The following ARRDC4 variants were observed in gnomAD, a reference collection of about 807,000 sequenced individuals.
ARRDC4 encodes arrestin domain containing 4.
In ARRDC4, 40 loss-of-function variants were observed where a neutral mutation model predicts 44.6. The observed-to-expected ratio is 0.90, with a 90% CI of 0.70 to 1.17. The LOEUF (loss-of-function observed/expected upper bound fraction) is 1.17, where lower values mean the gene tolerates loss of function less well. Ranked by LOEUF, ARRDC4 falls within the 50% of genes most tolerant of loss-of-function variation. The probability of loss-of-function intolerance (pLI) is 0.00; values close to 1 mark genes in which losing one functional copy is unlikely to be tolerated. For synonymous variants in ARRDC4, 211 were observed against 221.2 expected (o/e 0.95, Z 0.41); for missense variants, 550 against 559.1 (o/e 0.98, Z 0.16).
Position 97,969,914 on chromosome 15 carries a change from T to C in ARRDC4, c.914T>C (p.Leu305Ser), listed in dbSNP as rs1899480247. Residue 305 changes from leucine to serine, a missense_variant, in exon 6 of 8, where the codon TTG (leucine) becomes TCG (serine). Physicochemically the swap from Leu to Ser is moderately radical, Grantham distance 145. Transcript: ENST00000268042. Reference protein sequence around the residue: ...VYIHIPGAKKLMLELPLVIGT... With the variant: ...VYIHIPGAKKSMLELPLVIGT... ...ATTCACATTCCTGGTGCTAAAAAATTGATGCTCGAACTGCCATTAGTGATC... is the reference window on the plus strand; with the variant it reads ...ATTCACATTCCTGGTGCTAAAAAATCGATGCTCGAACTGCCATTAGTGATC... 1 of 1,608,256 alleles carries C rather than the reference T, an allele frequency of 6.2e-7. No individual in the cohort carries two copies. Among genetic ancestry groups the C allele is most frequent in the Non-Finnish European group, 8.5e-7 (1 of 1,176,518 alleles).
chr15:97,960,715 G>A lies in ARRDC4; in HGVS notation c.-147G>A. On this transcript the variant is annotated 5_prime_UTR_variant, in exon 1 of 8. Transcript: ENST00000268042. ...GGTTTGTTAAAGCGACAGGCCTCTC[G>A]GCGAGCCGGTGCCCCATCGGGTACC... The A allele has an allele frequency of 3.0e-6, 2 of 661,758 alleles. No homozygotes were observed. The highest frequency in any genetic ancestry group is 3.6e-5 in the East Asian group (1 of 28,124). 41.0% of individuals were successfully genotyped at this position (661,758 alleles called of 1,614,324 possible). A position where few individuals can be genotyped will look rare whatever the true frequency, so the allele number is the denominator to read the frequency against.
intron 1 of ARRDC4, 71 bp downstream of exon 1, chr15:97,961,239 A>G (rs1899311460): frequency 7.7e-7 from 1 of 1,293,170 alleles, no homozygotes. Context: ...GAGGCCGCGC[A>G]CCCTCGGGAT....
intron 5 of ARRDC4, 137 bp from the exon 6 acceptor site, chr15:97,969,746 T>C (rs1371017356): frequency 1.4e-5 from 11 of 770,812 alleles, no homozygotes; most frequent in South Asian, 4.1e-5. Flanking sequence ...ATCAAGACAA[T>C]TGAGAATTGT....
rs1899482561 is a variant in ARRDC4, at chr15:97,970,000, A to G, written c.1000A>G (p.Met334Val). Reference sequence around the variant, plus strand: ...CTCCAGCATTGCCAGCCAGTTCAGTATGGATATGAGCTGGTTGACACTGAC... The same window carrying G: ...CTCCAGCATTGCCAGCCAGTTCAGTGTGGATATGAGCTGGTTGACACTGAC... ...RNSSIASQFS[M>V]DMSWLTLTLP... The change falls in exon 6 of 8, where the codon ATG (methionine) becomes GTG (valine). Residue 334 changes from methionine (M) to valine (V), a missense_variant. Transcript: ENST00000268042. The G allele has an allele frequency of 1.2e-6, 2 of 1,613,350 alleles. No individual in the cohort carries two copies. The highest frequency in any genetic ancestry group is 1.7e-6 in the Non-Finnish European group (2 of 1,179,556).
Position 97,970,855 on chromosome 15 carries a change from A to T in ARRDC4, c.1200+112A>T. The T allele has an allele frequency of 7.7e-7, 1 of 1,299,584 alleles. No homozygotes were observed. Among genetic ancestry groups the T allele is most frequent in the East Asian group, 2.4e-5 (1 of 42,008 alleles). The allele number at this position is 1,299,584 out of a possible 1,614,324, so 80.5% of individuals were successfully genotyped here. On this transcript the variant is annotated intron_variant, in intron 7 of 7. Transcript: ENST00000268042. The surrounding 1 kb of genome is among the most constrained non-coding windows in gnomAD (Gnocchi z 4.2). ...CTGACTCATAATTAGTAAGGGATAC[A>T]TTTAAATTTGTTTATACAGTGGTAA...
intron 1 of ARRDC4, 66 bp downstream of exon 1, chr15:97,961,234 C>T (rs1899311316): frequency 4.6e-6 from 6 of 1,312,680 alleles, no homozygotes; most frequent in South Asian, 2.0e-5. Context: ...GCTGGGAGGC[C>T]GCGCACCCTC....
chr15:97,961,335 G>T (rs573669293), intron 1 of ARRDC4, among the ~76,000 whole-genome samples, 167 bp downstream of exon 1: 2 of 152,180 alleles, frequency 1.3e-5, no homozygotes, highest in South Asian at 4.1e-4. Flanking sequence ...GCAAGTCCTG[G>T]GTGCGCAGCT....
chr15:97,965,501 G>A lies in ARRDC4; in HGVS notation c.308-99G>A, dbSNP rs769821822. The A allele has an allele frequency of 2.2e-5, 22 of 992,130 alleles. No individual in the cohort carries two copies. The highest frequency in any genetic ancestry group is 3.5e-5 in the Non-Finnish European group (22 of 631,090). 61.5% of individuals were successfully genotyped at this position (992,130 alleles called of 1,614,324 possible). A position where few individuals can be genotyped will look rare whatever the true frequency, so the allele number is the denominator to read the frequency against. On this transcript the variant is annotated intron_variant, in intron 1 of 7. Transcript: ENST00000268042. This position sits in a 1 kb window ranked among gnomAD's most constrained non-coding sequence, Gnocchi z 5.1. Reference sequence around the variant, plus strand: ...GAACTTTTGGAGTATGCTGCATTTTGTAGCGAGAAAAACTTCCTTCAAAAA... The same window carrying A: ...GAACTTTTGGAGTATGCTGCATTTTATAGCGAGAAAAACTTCCTTCAAAAA...
chr15:97,961,049 C>T lies in ARRDC4; in HGVS notation c.188C>T (p.Ala63Val). The change falls in exon 1 of 8, where the codon GCC becomes GTC. Residue 63 changes from alanine (A) to valine (V), a missense_variant. Ala to Val is a moderately conservative substitution (Grantham distance 64). Coordinates refer to ENST00000268042, the MANE Select transcript of ARRDC4 (RefSeq NM_183376.3). ...RALRLEAQGRATAAWGPSTCP... is the reference protein window; with the variant it reads ...RALRLEAQGRVTAAWGPSTCP... Reference sequence around the variant, plus strand: ...CTGCGCCTGGAGGCCCAGGGGCGCGCCACCGCCGCCTGGGGCCCGAGCACC... The same window carrying T: ...CTGCGCCTGGAGGCCCAGGGGCGCGTCACCGCCGCCTGGGGCCCGAGCACC... The T allele has an allele frequency of 7.0e-7, 1 of 1,428,678 alleles. No homozygotes were observed. Among genetic ancestry groups the T allele is most frequent in the Non-Finnish European group, 9.1e-7 (1 of 1,096,034 alleles). 88.5% of individuals were successfully genotyped at this position (1,428,678 alleles called of 1,614,324 possible). A position where few individuals can be genotyped will look rare whatever the true frequency, so the allele number is the denominator to read the frequency against.
At position 97,960,718 on chromosome 15, in the gene ARRDC4, G is replaced by C; in HGVS notation, c.-144G>C. 1 of 675,694 alleles carries C rather than the reference G, an allele frequency of 1.5e-6. No individual in the cohort carries two copies. Among genetic ancestry groups the C allele is most frequent in the South Asian group, 6.8e-5 (1 of 14,614 alleles). 41.9% of individuals were successfully genotyped at this position (675,694 alleles called of 1,614,324 possible). On this transcript the variant is annotated 5_prime_UTR_variant, in exon 1 of 8. Transcript: ENST00000268042. ...TTGTTAAAGCGACAGGCCTCTCGGC[G>C]AGCCGGTGCCCCATCGGGTACCGCA...
Position 97,970,728 on chromosome 15 carries a change from A to T in ARRDC4, c.1185A>T (p.Pro395=). The T allele has an allele frequency of 1.9e-6, 3 of 1,612,608 alleles. No homozygotes were observed. Among genetic ancestry groups the T allele is most frequent in the Non-Finnish European group, 2.5e-6 (3 of 1,179,338 alleles). The part of the protein sequence containing the change: ...ACIQEFRFQP[P]PLYSEVDPHP... The stretch of plus-strand genomic sequence containing the variant: ...TACAAGAATTCCGGTTTCAACCCCC[A>T]CCTCTTTATTCAGAGGTAAGCAAAG... Residue 395 remains proline (P), a synonymous_variant, in exon 7 of 8, where the codon CCA becomes CCT. Transcript: ENST00000268042. The surrounding 1 kb of genome is among the most constrained non-coding windows in gnomAD (Gnocchi z 4.2).
intron 1 of ARRDC4, among the ~76,000 whole-genome samples, chr15:97,961,728 T>C (rs1555456136): frequency 6.6e-6 from 1 of 152,172 alleles, no homozygotes; most frequent in Non-Finnish European, 1.5e-5. Context: ...CAGGGCAACT[T>C]AGTAAGAGTT....
intron 4 of ARRDC4, 74 bp from the exon 5 acceptor site, chr15:97,969,049 T>C (rs1182927253): frequency 6.8e-7 from 1 of 1,460,084 alleles, no homozygotes; most frequent in African/African-American, 1.4e-5. Context: ...ATTTCAGCTA[T>C]ACGGCCCTAA....
rs1899540659 is a variant in ARRDC4 at position 97,972,982 on chromosome 15, A to C, written c.*1795A>C. On this transcript the variant is annotated 3_prime_UTR_variant, in exon 8 of 8. Transcript: ENST00000268042. The surrounding 1 kb of genome is among the most constrained non-coding windows in gnomAD (Gnocchi z 5.3). Reference sequence around the variant, plus strand: ...GTTAGACCAGTAATTGTGCTACTGAAATTGTCACAAAACGTTATTCCTTGA... The same window carrying C: ...GTTAGACCAGTAATTGTGCTACTGACATTGTCACAAAACGTTATTCCTTGA... The C allele has an allele frequency of 6.6e-6, 1 of 152,502 alleles. No individual in the cohort carries two copies. Among genetic ancestry groups the C allele is most frequent in the Non-Finnish European group, 1.5e-5 (1 of 68,004 alleles). 9.4% of individuals were successfully genotyped at this position (152,502 alleles called of 1,614,324 possible). A position where few individuals can be genotyped will look rare whatever the true frequency, so the allele number is the denominator to read the frequency against.
At chr15:97,961,806 C>T (rs1217392956) in intron 1 of ARRDC4, among the ~76,000 whole-genome samples, 1 of 152,118 alleles carries the variant, frequency 6.6e-6, no homozygotes, top group Non-Finnish European at 1.5e-5. Context: ...TCCTCCCCTC[C>T]TACCCGCTTC....
At chr15:97,963,786 C>G (rs919014018) in intron 1 of ARRDC4, among the ~76,000 whole-genome samples, 1 of 152,234 alleles carries the variant, frequency 6.6e-6, no homozygotes, top group African/African-American at 2.4e-5. Flanking sequence ...AAATGAAATA[C>G]ACATTTCAAA....
rs530386995 is a variant in ARRDC4, at chr15:97,971,362, G to A, written c.*175G>A. The A allele has an allele frequency of 3.0e-5, 19 of 636,960 alleles. No individual in the cohort carries two copies. The highest frequency in any genetic ancestry group is 7.4e-5 in the African/African-American group (4 of 54,370). 39.5% of individuals were successfully genotyped at this position (636,960 alleles called of 1,614,324 possible). A position where few individuals can be genotyped will look rare whatever the true frequency, so the allele number is the denominator to read the frequency against. ...GTTCTGGTGGGCCGGCAGGATTGCC[G>A]CACAAGTTTATATGATGGTCGTATA... On this transcript the variant is annotated 3_prime_UTR_variant, in exon 8 of 8. Transcript: ENST00000268042.
intron 1 of ARRDC4, among the ~76,000 whole-genome samples, chr15:97,964,287 T>G (rs149236733): frequency 6.7e-6 from 1 of 148,808 alleles, no homozygotes; most frequent in African/African-American, 2.6e-5. Flanking sequence ...TTCTTTAAAT[T>G]TTTTTTTTTA....
intron 1 of ARRDC4, among the ~76,000 whole-genome samples, chr15:97,964,161 T>C (rs1236449158): frequency 6.6e-6 from 1 of 152,216 alleles, no homozygotes; most frequent in East Asian, 1.9e-4. Context: ...AGGTCAGTAA[T>C]GTGTTCCTAT....
Sources: allele counts gnomAD v4.1 joint callset (sites outside exome capture counted in the v4.1 genomes callset), GRCh38; gene constraint gnomAD v4.1.1; non-coding constraint Gnocchi (gnomAD v3.1); transcripts MANE v1.5; gene names NCBI Gene and HGNC (gene_info 2026-07-23, HGNC 2026-07-21).